The following CENPU variants were observed in gnomAD, a reference collection of about 807,000 sequenced individuals.
The protein encoded by CENPU is centromere protein U.
A neutral mutation model predicts 56.7 loss-of-function variants in CENPU; 46 were observed. That is an observed-to-expected ratio of 0.81 (90% CI 0.64 to 1.04). CENPU has a LOEUF of 1.04. Among genes scored for constraint, CENPU ranks in the 50% least tolerant of loss-of-function variants. The probability of loss-of-function intolerance (pLI) is 0.00; values close to 1 mark genes in which losing one functional copy is unlikely to be tolerated. For synonymous variants in CENPU, 166 were observed against 163.0 expected, an observed-to-expected ratio of 1.02 and a Z score of -0.14; for missense variants, 510 against 490.1, an observed-to-expected ratio of 1.04 and a Z score of -0.38.
rs138476894 is a variant in CENPU at position 184,721,457 on chromosome 4, T to TAAAAAAAAAAA, written c.320+3489_320+3499dup. 6.7e-5 allele frequency among the ~76,000 whole-genome samples: 5 copies of TAAAAAAAAAAA among 74,554 alleles called. 1 individual carries two copies. Among genetic ancestry groups the TAAAAAAAAAAA allele is most frequent in the African/African-American group, 2.0e-4 (3 of 14,818 alleles). 48.9% of individuals were successfully genotyped at this position (74,554 alleles called of 152,430 possible). ...TCAAAAGACATAGAGTGGCTGATTGTAAAAAAAAAAAAAAAAAAAAAGGAC... is the reference window on the plus strand; with the variant it reads ...TCAAAAGACATAGAGTGGCTGATTGTAAAAAAAAAAAAAAAAAAAAAAAAAAAAAAAAGGAC... On this transcript the variant is annotated intron_variant, in intron 4 of 12. Transcript: ENST00000281453.
chr4:184,721,973 C>G (rs1184658218), intron 4 of CENPU, among the ~76,000 whole-genome samples: 1 of 152,198 alleles, frequency 6.6e-6, no homozygotes. Context: ...ATGGATCACT[C>G]TCAAGTACAG....
chr4:184,711,509 A>G (rs1196317708), intron 7 of CENPU, among the ~76,000 whole-genome samples: 1 of 152,106 alleles, frequency 6.6e-6, no homozygotes, highest in African/African-American at 2.4e-5. Context: ...ACCTGAACTT[A>G]TACCTCCTAT....
chr4:184,697,971 T>C, intron 11 of CENPU, 168 bp from the exon 12 acceptor site: 2 of 558,252 alleles, frequency 3.6e-6, no homozygotes, highest in Non-Finnish European at 6.2e-6. Flanking sequence ...CAGTTTAAAA[T>C]GTAGGAAAAA....
intron 7 of CENPU, among the ~76,000 whole-genome samples, chr4:184,711,347 A>G (rs1410433287): frequency 6.6e-6 from 1 of 152,142 alleles, no homozygotes; most frequent in Admixed American, 6.5e-5. Context: ...CAATACATGT[A>G]TGTATTGTGT....
intron 4 of CENPU, among the ~76,000 whole-genome samples, chr4:184,722,718 A>AC (rs1554012278): frequency 6.6e-5 from 10 of 150,898 alleles, no homozygotes; most frequent in Admixed American, 6.6e-4. Context: ...AACAAAACAA[A>AC]AAAAAACTGT....
chr4:184,729,675 G>A (rs542995973), intron 2 of CENPU, among the ~76,000 whole-genome samples: 29 of 152,314 alleles, frequency 1.9e-4, no homozygotes, highest in Middle Eastern at 3.4e-3. Context: ...GGAAAGTGAT[G>A]GGTCCTGTCT....
At chr4:184,704,284 C>T (rs989723268) in intron 8 of CENPU, among the ~76,000 whole-genome samples, 7 of 152,024 alleles carry the variant, frequency 4.6e-5, no homozygotes, top group African/African-American at 1.2e-4. Flanking sequence ...TTATGTTGCC[C>T]AGGCTCATTT....
At chr4:184,712,546 A>AACACAC (rs917814182) in intron 7 of CENPU, among the ~76,000 whole-genome samples, 152 of 152,346 alleles carry the variant, frequency 1.0e-3, no homozygotes, top group African/African-American at 3.5e-3. Context: ...AAAAACTGTA[A>AACACAC]ACACACACTG....
intron 2 of CENPU, among the ~76,000 whole-genome samples, 170 bp from the exon 3 acceptor site, chr4:184,729,205 G>C (rs1254843596): frequency 1.3e-5 from 2 of 152,176 alleles, no homozygotes; most frequent in African/African-American, 4.8e-5. Flanking sequence ...ACATAGACAT[G>C]TATGGCAAGA....
rs561281183 is a variant in CENPU, at chr4:184,696,687, C to CAT, written c.1143+958_1143+959dup. ...CTGATCATAAAATATGTATACATTA[C>CAT]ATATATATATATTATATAAAATTAT... On this transcript the variant is annotated intron_variant, in intron 12 of 12. Transcript: ENST00000281453. Among the ~76,000 whole-genome samples the CAT allele has an allele frequency of 3.7e-3, 527 of 142,726 alleles. 5 individuals carry two copies. Among genetic ancestry groups the CAT allele is most frequent in the African/African-American group, 0.013 (499 of 37,440 alleles). 93.6% of individuals were successfully genotyped at this position (142,726 alleles called of 152,430 possible). A position where few individuals can be genotyped will look rare whatever the true frequency, so the allele number is the denominator to read the frequency against.
At position 184,717,061 on chromosome 4, in the gene CENPU, C is replaced by T; in HGVS notation, c.381+75G>A. On this transcript the variant is annotated intron_variant, in intron 5 of 12. Coordinates refer to ENST00000281453, the MANE Select transcript of CENPU (RefSeq NM_024629.4). Reference sequence around the variant, plus strand: ...TCTAAAGAGGAAATGAAATATTTTACAGAACATTTTCTGTACTTGCATCCA... The same window carrying T: ...TCTAAAGAGGAAATGAAATATTTTATAGAACATTTTCTGTACTTGCATCCA... The T allele has an allele frequency of 7.5e-6, 7 of 927,652 alleles. No homozygotes were observed. In the East Asian group the frequency reaches 1.2e-4, roughly 17 times the overall value. The allele number at this position is 927,652 out of a possible 1,614,324, so 57.5% of individuals were successfully genotyped here.
At chr4:184,722,007 A>C (rs4623061) in intron 4 of CENPU, among the ~76,000 whole-genome samples, 27,136 of 152,234 alleles carry the variant, frequency 0.18, 2,726 homozygotes, top group African/African-American at 0.26. Flanking sequence ...TCACAAAACA[A>C]GTCTTAAAAC....
At chr4:184,728,436 AC>A (rs1329985820) in intron 3 of CENPU, among the ~76,000 whole-genome samples, 2 of 152,128 alleles carry the variant, frequency 1.3e-5, no homozygotes, top group Non-Finnish European at 2.9e-5. Context: ...CAAGCAGCCC[AC>A]CCTGACAACT....
intron 4 of CENPU, among the ~76,000 whole-genome samples, chr4:184,717,967 A>G (rs1413214471): frequency 6.6e-6 from 1 of 152,268 alleles, no homozygotes; most frequent in African/African-American, 2.4e-5. Flanking sequence ...AACATGCAAC[A>G]GAGCACAGAT....
At chr4:184,726,606 C>T (rs975331017) in intron 3 of CENPU, among the ~76,000 whole-genome samples, 3 of 152,068 alleles carry the variant, frequency 2.0e-5, no homozygotes, top group African/African-American at 7.2e-5. Flanking sequence ...ATATATGATC[C>T]AGCAATTCCA....
At chr4:184,730,523 C>T (rs903168997) in intron 2 of CENPU, among the ~76,000 whole-genome samples, 1 of 149,422 alleles carries the variant, frequency 6.7e-6, no homozygotes, top group Non-Finnish European at 1.5e-5. Flanking sequence ...AATGCACATG[C>T]CTTTAACATA....
In CENPU at chr4:184,694,722, T is replaced by C. The variant is rs932654357; in HGVS notation, c.*566A>G. 6 of 1,613,172 alleles carry C rather than the reference T, an allele frequency of 3.7e-6. No homozygotes were observed. The highest frequency in any genetic ancestry group is 5.1e-6 in the Non-Finnish European group (6 of 1,179,184). ...CTGCAGAGAACAGTCTTCTCAGTTATAACAGTGAAGTGGATGAAATTCCTG... is the reference window on the plus strand; with the variant it reads ...CTGCAGAGAACAGTCTTCTCAGTTACAACAGTGAAGTGGATGAAATTCCTG... On this transcript the variant is annotated 3_prime_UTR_variant, in exon 13 of 13. Coordinates refer to ENST00000281453, the MANE Select transcript of CENPU (RefSeq NM_024629.4).
chr4:184,721,946 ATTC>A (rs1761293293), intron 4 of CENPU, among the ~76,000 whole-genome samples: 1 of 152,256 alleles, frequency 6.6e-6, no homozygotes, highest in Non-Finnish European at 1.5e-5. Context: ...CAGAATACGC[ATTC>A]TTCTCCTCAG....
At position 184,697,705 on chromosome 4, in the gene CENPU, T is replaced by G. The variant is rs540034471; in HGVS notation, c.1085A>C (p.Lys362Thr). 6.2e-6 allele frequency: 10 copies of G among 1,613,176 alleles called. No individual in the cohort carries two copies. Among genetic ancestry groups the G allele is most frequent in the Non-Finnish European group, 8.5e-6 (10 of 1,179,508 alleles). ...ATCTGAATAATCTTGATAAAGCTGT[T>G]TTAAATTAGATAAGAAATATGCTGC... Reference protein sequence around the residue: ...RNAAYFLSNLKQLYQDYSDVQ... With the variant: ...RNAAYFLSNLTQLYQDYSDVQ... The change falls in exon 12 of 13, where the codon AAA becomes ACA. Residue 362 changes from lysine (K) to threonine (T), a missense_variant. Coordinates refer to ENST00000281453, the MANE Select transcript of CENPU (RefSeq NM_024629.4).
Sources: allele counts gnomAD v4.1 joint callset (sites outside exome capture counted in the v4.1 genomes callset), GRCh38; gene constraint gnomAD v4.1.1; transcripts MANE v1.5; gene names NCBI Gene and HGNC (gene_info 2026-07-23, HGNC 2026-07-21).